Variants in VIT observed in about 807,000 individuals in gnomAD.
VIT encodes vitrin.
In VIT, 99 loss-of-function variants were observed where a neutral mutation model predicts 78.0. The observed-to-expected ratio is 1.27, with a 90% CI of 1.08 to 1.50. The LOEUF is 1.50. VIT is among the 40% of genes most tolerant of loss of function. The probability of loss-of-function intolerance (pLI) is 0.00; values close to 1 mark genes in which losing one functional copy is unlikely to be tolerated. For synonymous variants in VIT, 374 were observed against 334.3 expected, an observed-to-expected ratio of 1.12 and a Z score of -1.29; for missense variants, 1,126 against 875.3, an observed-to-expected ratio of 1.29 and a Z score of -3.61.
At position 36,724,426 on chromosome 2, in the gene VIT, C is replaced by G. The variant is rs113663616; in HGVS notation, c.53-5000C>G. On this transcript the variant is annotated intron_variant, in intron 2 of 15. Transcript: ENST00000379242. ...GCACTTTGAAGTGGGCATCAGCCATCCATTCTGGTGCTCTGCTAGGCGTCC... is the reference window on the plus strand; with the variant it reads ...GCACTTTGAAGTGGGCATCAGCCATGCATTCTGGTGCTCTGCTAGGCGTCC... 3.7e-3 allele frequency among the ~76,000 whole-genome samples: 566 copies of G among 152,310 alleles called. 3 individuals are homozygous for G. The highest frequency in any genetic ancestry group is 0.013 in the African/African-American group (545 of 41,574).
chr2:36,699,213 G>A (rs1428667271), intron 1 of VIT, among the ~76,000 whole-genome samples: 1 of 151,938 alleles, frequency 6.6e-6, no homozygotes, highest in East Asian at 1.9e-4. Context: ...GCACTGGAGA[G>A]GTTACTCAAT....
chr2:36,752,352 C>T lies in VIT; in HGVS notation c.276-2569C>T, dbSNP rs1572474584. ...GCCCACCCTCAGAACAGCAGCCATT[C>T]GACACCTGGCCCTAGCAGTGAACTA... On this transcript the variant is annotated intron_variant, in intron 4 of 15. Coordinates refer to ENST00000379242, the MANE Select transcript of VIT (RefSeq NM_053276.4). 2.0e-5 allele frequency among the ~76,000 whole-genome samples: 3 copies of T among 152,210 alleles called. No homozygotes were observed. The South Asian group carries it at 6.2e-4, about 32-fold the overall frequency.
At position 36,781,077 on chromosome 2, in the gene VIT, C is replaced by T. The variant is rs114694066; in HGVS notation, c.803-650C>T. Among the ~76,000 whole-genome samples, 789 of 152,320 alleles carry T rather than the reference C, an allele frequency of 5.2e-3. 9 individuals are homozygous for T. The highest frequency in any genetic ancestry group is 0.017 in the African/African-American group (692 of 41,568). On this transcript the variant is annotated intron_variant, in intron 9 of 15. Transcript: ENST00000379242. ...ATCTTACTGCATACAGGTCCAGGTG[C>T]TACTTTCCTTTATTCTGCTTGAGTC...
At chr2:36,805,411 C>G (rs183201068) in intron 13 of VIT, 27 bp from the exon 14 acceptor site, 7 of 1,574,796 alleles carry the variant, frequency 4.4e-6, no homozygotes, top group East Asian at 2.2e-5. Context: ...GTGATCACTC[C>G]AAGCATGAAT....
At chr2:36,704,979 G>C (rs1665321138) in intron 1 of VIT, among the ~76,000 whole-genome samples, 1 of 152,170 alleles carries the variant, frequency 6.6e-6, no homozygotes. Flanking sequence ...TAGTTGAGCA[G>C]AACCAAACAC....
At position 36,814,787 on chromosome 2, in the gene VIT, A is replaced by T. The variant is rs536714250; in HGVS notation, c.*426A>T. 8 of 159,962 alleles carry T rather than the reference A, an allele frequency of 5.0e-5. No homozygotes were observed. Among genetic ancestry groups the T allele is most frequent in the African/African-American group, 1.9e-4 (8 of 41,774 alleles). The allele number at this position is 159,962 out of a possible 1,614,324, so 9.9% of individuals were successfully genotyped here. A position where few individuals can be genotyped will look rare whatever the true frequency, so the allele number is the denominator to read the frequency against. On this transcript the variant is annotated 3_prime_UTR_variant, in exon 16 of 16. Coordinates refer to ENST00000379242, the MANE Select transcript of VIT (RefSeq NM_053276.4). The stretch of plus-strand genomic sequence containing the variant: ...GCTGAATTAAATGTTTAGAAGGATG[A>T]CATGCAATGTTTCTGACTGTGTCTT...
intron 11 of VIT, 29 bp downstream of exon 11, chr2:36,783,431 G>A (rs3821147): frequency 0.63 from 1,015,334 of 1,611,010 alleles, 331,584 homozygotes; most frequent in East Asian, 0.79. Context: ...AGAAACCCAC[G>A]GTGTCTTTGA....
At chr2:36,768,689 C>T (rs1033460343) in intron 7 of VIT, among the ~76,000 whole-genome samples, 1 of 152,126 alleles carries the variant, frequency 6.6e-6, no homozygotes, top group African/African-American at 2.4e-5. Flanking sequence ...CTCTTCCTTG[C>T]AGGGGAGCAT....
chr2:36,794,477 C>G (rs991516565), intron 12 of VIT, among the ~76,000 whole-genome samples: 1 of 152,188 alleles, frequency 6.6e-6, no homozygotes, highest in Non-Finnish European at 1.5e-5. Flanking sequence ...GGCCATCAAC[C>G]TATGTATCTC....
chr2:36,760,174 T>C (rs1241531107), intron 6 of VIT, among the ~76,000 whole-genome samples: 1 of 152,058 alleles, frequency 6.6e-6, no homozygotes, highest in Non-Finnish European at 1.5e-5. Context: ...GTTGTATTTT[T>C]AGTAGAGACG....
chr2:36,805,338 A>C, intron 13 of VIT, 100 bp from the exon 14 acceptor site: 33 of 903,256 alleles, frequency 3.7e-5, no homozygotes, highest in Middle Eastern at 3.1e-4. Flanking sequence ...CTAGGGAGGG[A>C]ATGAGTGTAT....
chr2:36,721,991 C>A (rs759728834), intron 2 of VIT, among the ~76,000 whole-genome samples: 2 of 152,204 alleles, frequency 1.3e-5, no homozygotes, highest in Non-Finnish European at 2.9e-5. Context: ...CTAGTGCTGA[C>A]CACATATCAT....
rs201761041 is a variant in VIT, at chr2:36,805,634, G to A, written c.1359G>A (p.Gln453=). 2.1e-5 allele frequency: 34 copies of A among 1,613,998 alleles called. 1 individual carries two copies. The African/African-American group carries it at 3.6e-4, about 17-fold the overall frequency. The change falls in exon 14 of 16, where the codon CAG becomes CAA. Residue 453 remains glutamine, a synonymous_variant. Coordinates refer to ENST00000379242, the MANE Select transcript of VIT (RefSeq NM_053276.4). The stretch of plus-strand genomic sequence containing the variant: ...AAGGTGCTGCTGAAAATGAGAAGCA[G>A]TATGTGGTGGAGCCCAACTTTGCAA... ...TIEGAAENEK[Q]YVVEPNFANK... is the part of the protein sequence containing the mutation.
At chr2:36,712,687 T>G (rs1414794530) in intron 1 of VIT, among the ~76,000 whole-genome samples, 4 of 152,048 alleles carry the variant, frequency 2.6e-5, no homozygotes, top group Admixed American at 2.6e-4. Flanking sequence ...AATACAAAAA[T>G]TAGCCAGGTA....
chr2:36,756,345 C>G (rs1407545392), intron 5 of VIT, among the ~76,000 whole-genome samples: 1 of 152,282 alleles, frequency 6.6e-6, no homozygotes, highest in South Asian at 2.1e-4. Flanking sequence ...GGATTTTAAA[C>G]TAGATTGTAG....
In VIT at chr2:36,775,884, C is replaced by T. The variant is rs1012595481; in HGVS notation, c.802+817C>T. 4.6e-5 allele frequency among the ~76,000 whole-genome samples: 7 copies of T among 152,140 alleles called. 1 individual carries two copies. The highest frequency in any genetic ancestry group is 3.3e-4 in the Admixed American group (5 of 15,268). Reference sequence around the variant, plus strand: ...CAGGGGAAGGAAGCCATTTGCACACCCTGAGTAAAGGCAGGTAAGAACATT... The same window carrying T: ...CAGGGGAAGGAAGCCATTTGCACACTCTGAGTAAAGGCAGGTAAGAACATT... On this transcript the variant is annotated intron_variant, in intron 9 of 15. Transcript: ENST00000379242.
At chr2:36,810,718 C>T (rs1667094596) in intron 15 of VIT, among the ~76,000 whole-genome samples, 1 of 151,758 alleles carries the variant, frequency 6.6e-6, no homozygotes, top group Admixed American at 6.6e-5. Flanking sequence ...ATTGCAACCT[C>T]TGCCTCCCGG....
At chr2:36,713,195 T>C (rs1342584459) in intron 1 of VIT, among the ~76,000 whole-genome samples, 1 of 152,172 alleles carries the variant, frequency 6.6e-6, no homozygotes, top group Non-Finnish European at 1.5e-5. Context: ...CTAGGGAATG[T>C]CTCATGACAG....
intron 1 of VIT, among the ~76,000 whole-genome samples, chr2:36,712,748 T>C (rs532948444): frequency 2.0e-5 from 3 of 152,284 alleles, no homozygotes; most frequent in South Asian, 4.1e-4. Flanking sequence ...AGGCAGAGAA[T>C]TGCTTGAACC....
Sources: allele counts gnomAD v4.1 joint callset (sites outside exome capture counted in the v4.1 genomes callset), GRCh38; gene constraint gnomAD v4.1.1; transcripts MANE v1.5; gene names NCBI Gene and HGNC (gene_info 2026-07-23, HGNC 2026-07-21).